MAP3K7CL: variants seen among roughly 807,000 people sequenced by gnomAD.
MAP3K7CL encodes the protein MAP3K7 C-terminal-like protein.
MAP3K7CL carries 16 observed loss-of-function variants against 18.6 expected under a neutral mutation model. The observed-to-expected ratio is 0.86, with a 90% CI of 0.58 to 1.31. The LOEUF (loss-of-function observed/expected upper bound fraction) is 1.31. Among genes scored for constraint, MAP3K7CL ranks in the 50% most tolerant of loss-of-function variants. The probability of loss-of-function intolerance (pLI) is 0.00; values close to 1 mark genes in which losing one functional copy is unlikely to be tolerated. For synonymous variants in MAP3K7CL, 65 were observed against 66.8 expected (o/e 0.97, Z 0.13); for missense variants, 163 against 174.4 (o/e 0.93, Z 0.37).
Position 29,153,399 on chromosome 21 carries a change from C to T in MAP3K7CL, c.132+4149C>T, listed in dbSNP as rs376646145. On this transcript the variant is annotated intron_variant, in intron 3 of 4. Transcript: ENST00000399928. ...TAGATGATATAGTCAGAAGAAAGGA[C>T]GCCCAATTCTATGTCCATTTCTAAG... is the stretch of plus-strand genomic sequence containing the variant. 1.6e-4 allele frequency among the ~76,000 whole-genome samples: 25 copies of T among 152,054 alleles called. No individual in the cohort carries two copies. In the East Asian group the frequency reaches 1.9e-3, roughly 12 times the overall value.
At chr21:29,122,714 T>A (rs1367675458) in intron 4 of MAP3K7CL, among the ~76,000 whole-genome samples, 1 of 152,108 alleles carries the variant, frequency 6.6e-6, no homozygotes, top group Non-Finnish European at 1.5e-5. Flanking sequence ...TTTTTCTGGG[T>A]ACAGGATGGG....
At chr21:29,141,797 C>T (rs1450827208) in intron 2 of MAP3K7CL, among the ~76,000 whole-genome samples, 1 of 151,990 alleles carries the variant, frequency 6.6e-6, no homozygotes, top group African/African-American at 2.4e-5. Context: ...TAATTCACAT[C>T]TCTAGTGTTT....
chr21:29,091,587 C>T (rs1317837558), intron 2 of MAP3K7CL: 2 of 700,540 alleles, frequency 2.9e-6, no homozygotes, highest in South Asian at 1.5e-5. Flanking sequence ...GTAATTGTCC[C>T]ACCTCAGCCC....
chr21:29,139,994 G>C (rs558848818), intron 2 of MAP3K7CL, among the ~76,000 whole-genome samples: 1 of 148,902 alleles, frequency 6.7e-6, no homozygotes, highest in South Asian at 2.1e-4. Context: ...CCAGGAACCA[G>C]GTATTTGCAG....
At chr21:29,140,516 T>C (rs1033845181) in intron 2 of MAP3K7CL, among the ~76,000 whole-genome samples, 5 of 152,208 alleles carry the variant, frequency 3.3e-5, no homozygotes, top group African/African-American at 1.2e-4. Flanking sequence ...ATGCAACTAA[T>C]ACATAGAAGG....
intron 4 of MAP3K7CL, among the ~76,000 whole-genome samples, chr21:29,105,113 C>T (rs1056829408): frequency 6.6e-6 from 1 of 152,224 alleles, no homozygotes; most frequent in African/African-American, 2.4e-5. Context: ...AAGAATCCAG[C>T]TCTGAGTTAG....
upstream of MAP3K7CL, chr21:29,085,811 A>T: frequency 6.3e-7 from 1 of 1,584,034 alleles, no homozygotes; most frequent in Non-Finnish European, 8.7e-7. Context: ...TATATCCCCC[A>T]GGTGAAAGAC....
Position 29,175,340 on chromosome 21 carries a change from A to G in MAP3K7CL, c.*448A>G, listed in dbSNP as rs2087942954. 1 of 152,462 alleles carries G rather than the reference A, an allele frequency of 6.6e-6. No individual in the cohort carries two copies. The highest frequency in any genetic ancestry group is 1.5e-5 in the Non-Finnish European group (1 of 68,246). The allele number at this position is 152,462 out of a possible 1,614,324, so 9.4% of individuals were successfully genotyped here. The stretch of plus-strand genomic sequence containing the variant: ...CCTTTAATATTTCAAATATGCTCAA[A>G]TTTAAACTGTCAGAAACTTCTGTGC... On this transcript the variant is annotated 3_prime_UTR_variant, in exon 5 of 5. Coordinates refer to ENST00000399928, the MANE Select transcript of MAP3K7CL (RefSeq NM_001286620.2).
intron 3 of MAP3K7CL, among the ~76,000 whole-genome samples, chr21:29,152,487 A>G (rs910147729): frequency 1.3e-5 from 2 of 152,186 alleles, no homozygotes; most frequent in African/African-American, 4.8e-5. Context: ...TGGAAGAGTA[A>G]AAGTTGGATT....
intron 4 of MAP3K7CL, chr21:29,122,302 A>T (rs909679914): frequency 1.2e-4 from 19 of 152,118 alleles, no homozygotes; most frequent in African/African-American, 4.3e-4. Flanking sequence ...CTGGGGGGGT[A>T]CCCGTGACCC....
upstream of MAP3K7CL, among the ~76,000 whole-genome samples, chr21:29,080,900 T>C (rs73192146): frequency 0.19 from 28,178 of 151,766 alleles, 2,902 homozygotes; most frequent in South Asian, 0.23. Flanking sequence ...AAAACAGCCA[T>C]GGCCAGGCTT....
intron 4 of MAP3K7CL, among the ~76,000 whole-genome samples, chr21:29,101,755 G>C (rs933360904): frequency 2.0e-5 from 3 of 152,090 alleles, no homozygotes; most frequent in African/African-American, 7.2e-5. Flanking sequence ...TAAAACAATA[G>C]TATCTAATTT....
intron 4 of MAP3K7CL, among the ~76,000 whole-genome samples, chr21:29,164,506 C>A (rs1412313240): frequency 6.6e-6 from 1 of 152,144 alleles, no homozygotes; most frequent in African/African-American, 2.4e-5. Context: ...GGTTTGAACT[C>A]CAAACTGAAC....
chr21:29,079,213 CCTT>C lies in MAP3K7CL; in HGVS notation c.-49+1501_-49+1503del, dbSNP rs765504688. 2.0e-4 allele frequency among the ~76,000 whole-genome samples: 31 copies of C among 152,158 alleles called. 1 individual carries two copies. The highest frequency in any genetic ancestry group is 1.0e-3 in the Admixed American group (16 of 15,276). Reference sequence around the variant, plus strand: ...AGATCAGGAGGTGAAAGGAAGATGGCCTTGGAGAAGCTCTTTGCAGGTCTCCAT... The same window carrying C: ...AGATCAGGAGGTGAAAGGAAGATGGCGGAGAAGCTCTTTGCAGGTCTCCAT... On this transcript the variant is annotated intron_variant, in intron 1 of 7. Transcript: ENST00000341618.
At chr21:29,115,123 T>A (rs2086483908) in intron 4 of MAP3K7CL, among the ~76,000 whole-genome samples, 2 of 152,222 alleles carry the variant, frequency 1.3e-5, no homozygotes, top group Non-Finnish European at 2.9e-5. Flanking sequence ...GTCCCGCCTC[T>A]GCTGTGGCCT....
intron 4 of MAP3K7CL, among the ~76,000 whole-genome samples, chr21:29,100,035 A>T (rs1328089357): frequency 6.6e-6 from 1 of 150,596 alleles, no homozygotes; most frequent in Non-Finnish European, 1.5e-5. Context: ...GTGAGCCGAG[A>T]TCACGCCACC....
intron 4 of MAP3K7CL, among the ~76,000 whole-genome samples, chr21:29,117,383 G>T (rs576677149): frequency 6.6e-6 from 1 of 152,318 alleles, no homozygotes; most frequent in Non-Finnish European, 1.5e-5. Context: ...GGTTAATACT[G>T]TAATTCTTAA....
intron 2 of MAP3K7CL, chr21:29,145,752 A>G (rs1471155025): frequency 1.3e-5 from 2 of 152,160 alleles, no homozygotes; most frequent in Admixed American, 6.6e-5. Flanking sequence ...TTCCGCTGCT[A>G]TTTCCTGCTT....
chr21:29,130,245 G>A (rs2086753965), upstream of MAP3K7CL, among the ~76,000 whole-genome samples: 1 of 152,124 alleles, frequency 6.6e-6, no homozygotes, highest in Non-Finnish European at 1.5e-5. Context: ...ATTTACCATT[G>A]ACTCCTTTTG....
Sources: allele counts gnomAD v4.1 joint callset (sites outside exome capture counted in the v4.1 genomes callset), GRCh38; gene constraint gnomAD v4.1.1; transcripts MANE v1.5; gene names NCBI Gene and HGNC (gene_info 2026-07-23, HGNC 2026-07-21).